BCAS1: variants seen among roughly 807,000 people sequenced by gnomAD.
BCAS1 encodes the protein breast carcinoma-amplified sequence 1.
In BCAS1, 46 loss-of-function variants were observed where a neutral mutation model predicts 65.4. That is an observed-to-expected ratio of 0.70 (90% confidence interval 0.55 to 0.90). The LOEUF (loss-of-function observed/expected upper bound fraction) is 0.90, where lower values mean the gene tolerates loss of function less well. Among genes scored for constraint, BCAS1 ranks in the 40% least tolerant of loss-of-function variants. The pLI is 0.00. For missense variants in BCAS1, 793 were observed against 771.2 expected, an observed-to-expected ratio of 1.03 and a Z score of -0.33; for synonymous variants, 298 against 293.5, an observed-to-expected ratio of 1.02 and a Z score of -0.16.
intron 5 of BCAS1, 86 bp downstream of exon 5, chr20:53,995,806 A>G: frequency 7.2e-7 from 1 of 1,381,134 alleles, no homozygotes; most frequent in Non-Finnish European, 9.8e-7. Context: ...CATTTAGTAC[A>G]ATAACATTCA....
At chr20:53,964,124 T>A (rs185635401) in intron 10 of BCAS1, among the ~76,000 whole-genome samples, 2,366 of 152,358 alleles carry the variant, frequency 0.016, 30 homozygotes, top group Non-Finnish European at 0.026. Flanking sequence ...GTTGAAAACA[T>A]ACCACATGTC....
At chr20:54,037,599 G>GTC (rs1365421903) in intron 3 of BCAS1, among the ~76,000 whole-genome samples, 1 of 151,508 alleles carries the variant, frequency 6.6e-6, no homozygotes, top group Non-Finnish European at 1.5e-5. Context: ...TTGGATAAAT[G>GTC]TCTATAACAA....
intron 12 of BCAS1, among the ~76,000 whole-genome samples, chr20:53,949,355 C>T (rs2089440366): frequency 6.9e-6 from 1 of 145,578 alleles, no homozygotes; most frequent in Non-Finnish European, 1.5e-5. Context: ...TTTTTGAAAA[C>T]CAAGTGGGTT....
At chr20:53,994,673 C>G (rs2090855354) in intron 6 of BCAS1, among the ~76,000 whole-genome samples, 1 of 151,970 alleles carries the variant, frequency 6.6e-6, no homozygotes, top group African/African-American at 2.4e-5. Context: ...CTGGGTCCCT[C>G]TACGCACAAC....
At chr20:53,957,952 AC>A (rs1364802900) in intron 10 of BCAS1, among the ~76,000 whole-genome samples, 4 of 150,348 alleles carry the variant, frequency 2.7e-5, no homozygotes, top group African/African-American at 9.8e-5. Flanking sequence ...ACCCTTTAGC[AC>A]CCCCTATAGC....
At chr20:53,980,492 G>A (rs1212120849) in intron 8 of BCAS1, among the ~76,000 whole-genome samples, 1 of 152,194 alleles carries the variant, frequency 6.6e-6, no homozygotes, top group Admixed American at 6.5e-5. Context: ...ACATTATAGG[G>A]CCACTCTTAG....
At chr20:54,062,590 T>C (rs1223477960) in intron 1 of BCAS1, among the ~76,000 whole-genome samples, 4 of 152,216 alleles carry the variant, frequency 2.6e-5, no homozygotes, top group Admixed American at 2.6e-4. Flanking sequence ...GTAAATTCAA[T>C]CCTAACAAAG....
intron 10 of BCAS1, among the ~76,000 whole-genome samples, chr20:53,962,900 G>C (rs1334680599): frequency 1.3e-5 from 2 of 151,912 alleles, no homozygotes; most frequent in Admixed American, 6.6e-5. Flanking sequence ...GCCCAGGCTG[G>C]AGTGCAGTGG....
chr20:54,016,777 A>T lies in BCAS1; in HGVS notation c.723+11615T>A, dbSNP rs115744758. 3.0e-3 allele frequency among the ~76,000 whole-genome samples: 451 copies of T among 152,318 alleles called. 2 individuals carry two copies. The highest frequency in any genetic ancestry group is 0.01 in the African/African-American group (433 of 41,566). On this transcript the variant is annotated intron_variant, in intron 4 of 12. Coordinates refer to ENST00000688948, the MANE Select transcript of BCAS1 (RefSeq NM_001366298.2). ...GAGATGGAAATTGAGTCTGGATAACACAGATATAAAAATGTTCCACTTAGC... is the reference window on the plus strand; with the variant it reads ...GAGATGGAAATTGAGTCTGGATAACTCAGATATAAAAATGTTCCACTTAGC...
chr20:53,969,538 A>G (rs2090126012), intron 9 of BCAS1, among the ~76,000 whole-genome samples: 1 of 152,168 alleles, frequency 6.6e-6, no homozygotes, highest in South Asian at 2.1e-4. Context: ...TACCACAGAT[A>G]AATAGGCATT....
chr20:53,963,679 T>G (rs2089950413), intron 10 of BCAS1, among the ~76,000 whole-genome samples: 3 of 152,190 alleles, frequency 2.0e-5, no homozygotes, highest in African/African-American at 7.2e-5. Flanking sequence ...CCCCAACCGC[T>G]CAAAAAACCC....
At chr20:53,976,187 A>G (rs1392765254) in intron 8 of BCAS1, among the ~76,000 whole-genome samples, 1 of 152,188 alleles carries the variant, frequency 6.6e-6, no homozygotes, top group Non-Finnish European at 1.5e-5. Flanking sequence ...CAGTTAGCCA[A>G]CTTTGGAGTT....
intron 12 of BCAS1, among the ~76,000 whole-genome samples, chr20:53,952,623 C>CTT (rs535027336): frequency 6.6e-6 from 1 of 151,994 alleles, no homozygotes; most frequent in Admixed American, 6.6e-5. Context: ...TATGAGTATC[C>CTT]TTTTTTTTGT....
intron 4 of BCAS1, among the ~76,000 whole-genome samples, chr20:54,006,279 T>C (rs1016699096): frequency 2.0e-5 from 3 of 152,010 alleles, no homozygotes; most frequent in Admixed American, 1.3e-4. Context: ...TCACATGCAC[T>C]AGGGGAGGAC....
chr20:54,030,607 CACAT>C (rs1037996962), intron 3 of BCAS1, among the ~76,000 whole-genome samples: 1 of 141,696 alleles, frequency 7.1e-6, no homozygotes, highest in African/African-American at 2.5e-5. Context: ...CATACACACA[CACAT>C]ACACACACAT....
intron 6 of BCAS1, among the ~76,000 whole-genome samples, chr20:53,994,535 C>T (rs1416556508): frequency 3.9e-5 from 6 of 152,138 alleles, no homozygotes; most frequent in Non-Finnish European, 8.8e-5. Context: ...TTTCAAATTA[C>T]ATTGAAAAAT....
At chr20:54,057,937 A>G (rs1300863520) in intron 3 of BCAS1, 148 bp downstream of exon 3, 1 of 650,292 alleles carries the variant, frequency 1.5e-6, no homozygotes, top group African/African-American at 1.8e-5. Context: ...CCACCAGGGC[A>G]TGGTAGCCCA....
intron 12 of BCAS1, among the ~76,000 whole-genome samples, chr20:53,950,763 T>C (rs796769692): frequency 6.6e-6 from 1 of 152,194 alleles, no homozygotes; most frequent in African/African-American, 2.4e-5. Context: ...AAAGGGCCAG[T>C]TGGCAAAAAT....
intron 9 of BCAS1, among the ~76,000 whole-genome samples, chr20:53,974,015 C>T (rs2090256212): frequency 6.7e-6 from 1 of 150,110 alleles, no homozygotes; most frequent in East Asian, 1.9e-4. Flanking sequence ...CCAGTCAGCA[C>T]TTTGTGTCTA....
Sources: gnomAD v4.1 joint callset for allele counts (sites outside exome capture counted in the v4.1 genomes callset) on GRCh38, gnomAD v4.1.1 for gene constraint, MANE v1.5 for transcripts, NCBI Gene and HGNC (gene_info 2026-07-23, HGNC 2026-07-21) for gene names.